The following LSAMP variants were observed in gnomAD, a reference collection of about 807,000 sequenced individuals.
The protein encoded by LSAMP is limbic system associated membrane protein.
Under a neutral mutation model 38.6 loss-of-function variants are expected in LSAMP, and 7 were observed. That is an observed-to-expected ratio of 0.18 (90% CI 0.10 to 0.34). The LOEUF is 0.34. Ranked by LOEUF, LSAMP falls within the 10% of genes least tolerant of loss-of-function variation. The pLI is 1.00. For missense variants in LSAMP, 313 were observed against 420.0 expected, an observed-to-expected ratio of 0.75 and a Z score of 2.23; for synonymous variants, 154 against 166.8, an observed-to-expected ratio of 0.92 and a Z score of 0.59.
intron 1 of LSAMP, among the ~76,000 whole-genome samples, chr3:116,372,892 G>A (rs1238316289): frequency 6.7e-6 from 1 of 150,096 alleles, no homozygotes; most frequent in East Asian, 2.0e-4. Context: ...AATATAACAT[G>A]TGTTGGTGAA....
At chr3:115,952,576 A>G (rs4557152) in intron 3 of LSAMP, among the ~76,000 whole-genome samples, 130,030 of 152,152 alleles carry the variant, frequency 0.85, 59,032 homozygotes, top group Non-Finnish European at 1. Context: ...GGGAATGGTG[A>G]GAGGAGGGTG....
chr3:116,057,036 T>A (rs1317745738), intron 2 of LSAMP, among the ~76,000 whole-genome samples: 1 of 152,122 alleles, frequency 6.6e-6, no homozygotes, highest in Non-Finnish European at 1.5e-5. Flanking sequence ...TTTGCATATA[T>A]CATTTACCCA....
chr3:116,344,929 A>G (rs1020633585), intron 1 of LSAMP, among the ~76,000 whole-genome samples: 3 of 152,196 alleles, frequency 2.0e-5, no homozygotes, highest in African/African-American at 7.2e-5. Flanking sequence ...CACGGTAGGC[A>G]TTCCTTAAAA....
intron 1 of LSAMP, among the ~76,000 whole-genome samples, chr3:116,422,433 A>G (rs1393878282): frequency 6.6e-6 from 1 of 152,254 alleles, no homozygotes; most frequent in Non-Finnish European, 1.5e-5. Context: ...AAGTATATTG[A>G]GCATATGTGT....
At position 116,445,203 on chromosome 3, in the gene LSAMP, C is replaced by A. The variant is rs1359239219; in HGVS notation, c.-172G>T. 6.4e-6 allele frequency: 4 copies of A among 623,562 alleles called. No individual in the cohort carries two copies. Among genetic ancestry groups the A allele is most frequent in the Non-Finnish European group, 1.1e-5 (4 of 358,220 alleles). 38.6% of individuals were successfully genotyped at this position (623,562 alleles called of 1,614,324 possible). ...CTCTTTCCCTCGCTCAGTCTCTTTT[C>A]CCTCTAAGACTTAACAAAGCCCTCA... On this transcript the variant is annotated 5_prime_UTR_variant, in exon 1 of 7. Transcript: ENST00000490035.
At chr3:116,273,598 G>A (rs969791217) in intron 1 of LSAMP, among the ~76,000 whole-genome samples, 1 of 147,100 alleles carries the variant, frequency 6.8e-6, no homozygotes, top group African/African-American at 2.5e-5. Context: ...TATTTATTTT[G>A]AATTCACGTA....
intron 6 of LSAMP, among the ~76,000 whole-genome samples, chr3:115,826,531 C>CA (rs1177068286): frequency 4.6e-5 from 7 of 152,184 alleles, no homozygotes; most frequent in African/African-American, 1.7e-4. Context: ...TTAAAGTTTA[C>CA]TGTGGTTGCT....
intron 1 of LSAMP, among the ~76,000 whole-genome samples, chr3:116,261,762 CT>C (rs1404423192): frequency 2.6e-5 from 4 of 151,710 alleles, no homozygotes; most frequent in Non-Finnish European, 5.9e-5. Flanking sequence ...TTAGATCATT[CT>C]CTTTTTCACT....
chr3:115,975,900 T>G (rs1939173321), intron 3 of LSAMP, among the ~76,000 whole-genome samples: 1 of 152,158 alleles, frequency 6.6e-6, no homozygotes, highest in African/African-American at 2.4e-5. Flanking sequence ...AACTGCCCCC[T>G]CTTTCCAAAG....
At chr3:116,085,909 G>T (rs1472296249) in intron 2 of LSAMP, among the ~76,000 whole-genome samples, 2 of 152,170 alleles carry the variant, frequency 1.3e-5, no homozygotes, top group South Asian at 2.1e-4. Flanking sequence ...GATAATTAGT[G>T]CTAATCTTCA....
intron 3 of LSAMP, among the ~76,000 whole-genome samples, chr3:115,940,589 G>T (rs1014250530): frequency 4.6e-5 from 7 of 152,150 alleles, no homozygotes; most frequent in Non-Finnish European, 1.0e-4. Flanking sequence ...TTTTGTATAT[G>T]ATATAAGGCA....
intron 1 of LSAMP, among the ~76,000 whole-genome samples, chr3:116,116,702 C>T (rs1469153177): frequency 3.3e-5 from 5 of 150,742 alleles, no homozygotes; most frequent in South Asian, 2.1e-4. Flanking sequence ...GGCAACAGAG[C>T]GAGATTCCAT....
At chr3:116,344,640 C>T (rs1023865301) in intron 1 of LSAMP, among the ~76,000 whole-genome samples, 6 of 152,220 alleles carry the variant, frequency 3.9e-5, no homozygotes, top group African/African-American at 1.4e-4. Flanking sequence ...GATCTCAACT[C>T]TAATTCTCAT....
chr3:116,044,658 C>A (rs890351739), intron 2 of LSAMP, among the ~76,000 whole-genome samples: 19 of 151,390 alleles, frequency 1.3e-4, no homozygotes, highest in African/African-American at 4.6e-4. Context: ...ACAAAAGAAG[C>A]AATCTTTATG....
rs539350846 is a variant in LSAMP at position 116,323,313 on chromosome 3, A to T, written c.155+121564T>A. 1.0e-3 allele frequency among the ~76,000 whole-genome samples: 153 copies of T among 152,016 alleles called. 1 individual carries two copies. The highest frequency in any genetic ancestry group is 3.5e-3 in the African/African-American group (144 of 41,498). ...TTTGCATACCTTTTTTTTCCCCCAA[A>T]CTATATCTGGTCAATCATAGCATCT... On this transcript the variant is annotated intron_variant, in intron 1 of 6. Transcript: ENST00000490035.
chr3:116,402,499 C>T (rs1343795830), intron 1 of LSAMP, among the ~76,000 whole-genome samples: 2 of 151,802 alleles, frequency 1.3e-5, no homozygotes, highest in African/African-American at 4.9e-5. Context: ...CTGCCAAGAT[C>T]TTCATTCAAA....
chr3:115,827,275 TAAG>T (rs1256009237), intron 6 of LSAMP, among the ~76,000 whole-genome samples: 5 of 151,128 alleles, frequency 3.3e-5, no homozygotes, highest in Non-Finnish European at 5.9e-5. Context: ...CTGTGTGAGC[TAAG>T]GAGCATGGGA....
At chr3:116,127,541 CAGA>C (rs1317462797) in intron 1 of LSAMP, among the ~76,000 whole-genome samples, 2 of 152,052 alleles carry the variant, frequency 1.3e-5, no homozygotes, top group Non-Finnish European at 1.5e-5. Context: ...AAATCATTTT[CAGA>C]AGATGTGCAA....
At position 116,202,380 on chromosome 3, in the gene LSAMP, C is replaced by T. The variant is rs143437402; in HGVS notation, c.156-115824G>A. 1.1e-3 allele frequency among the ~76,000 whole-genome samples: 165 copies of T among 152,258 alleles called. 1 individual carries two copies. Among genetic ancestry groups the T allele is most frequent in the Admixed American group, 3.5e-3 (54 of 15,286 alleles). ...AACTCCTGACCTTGAGTGGTCTGCC[C>T]ACCACAGCCTCCCAAAGTGCTGGGA... On this transcript the variant is annotated intron_variant, in intron 1 of 6. Transcript: ENST00000490035.
Sources: allele counts gnomAD v4.1 joint callset (sites outside exome capture counted in the v4.1 genomes callset), GRCh38; gene constraint gnomAD v4.1.1; transcripts MANE v1.5; gene names NCBI Gene and HGNC (gene_info 2026-07-23, HGNC 2026-07-21).